Variants in FAM171A1 observed in about 807,000 individuals in gnomAD.
The protein encoded by FAM171A1 is family with sequence similarity 171 member A1.
In FAM171A1, 23 loss-of-function variants were observed where a neutral mutation model predicts 74.9. That is an observed-to-expected ratio of 0.31 (90% confidence interval 0.22 to 0.44). The LOEUF is 0.44. Ranked by LOEUF, FAM171A1 falls within the 20% of genes least tolerant of loss-of-function variation. The pLI, the probability that FAM171A1 is intolerant of heterozygous loss-of-function variation, is 1.00. For missense variants in FAM171A1, 1,162 were observed against 1,159.2 expected (o/e 1.00, Z -0.03); for synonymous variants, 527 against 505.7 (o/e 1.04, Z -0.57).
intron 1 of FAM171A1, among the ~76,000 whole-genome samples, chr10:15,329,729 C>T (rs891237678): frequency 5.3e-5 from 8 of 151,662 alleles, no homozygotes; most frequent in South Asian, 2.1e-4. Context: ...TAAGAAGCTA[C>T]GGGAAGTCAT....
intron 3 of FAM171A1, among the ~76,000 whole-genome samples, chr10:15,257,788 G>T (rs1043112497): frequency 6.6e-6 from 1 of 152,178 alleles, no homozygotes; most frequent in Non-Finnish European, 1.5e-5. Flanking sequence ...GAATTTAAGG[G>T]TGCAAGCTAT....
chr10:15,370,996 C>A lies in FAM171A1; in HGVS notation c.57G>T (p.Ala19=). Residue 19 remains alanine (A), a synonymous_variant, in exon 1 of 8, where the codon GCG becomes GCT. Transcript: ENST00000378116. ...LCLLGCHVWK[A]VTKTLREPGA... is the part of the protein sequence containing the mutation. ...CGGGCTCCCGCAGCGTCTTGGTCACCGCCTTCCAGACGTGGCAGCCCAGCA... is the reference window on the plus strand; with the variant it reads ...CGGGCTCCCGCAGCGTCTTGGTCACAGCCTTCCAGACGTGGCAGCCCAGCA... 1 of 1,193,992 alleles carries A rather than the reference C, an allele frequency of 8.4e-7. No homozygotes were observed. The highest frequency in any genetic ancestry group is 1.1e-6 in the Non-Finnish European group (1 of 939,868). 74.0% of individuals were successfully genotyped at this position (1,193,992 alleles called of 1,614,324 possible).
intron 1 of FAM171A1, among the ~76,000 whole-genome samples, chr10:15,319,470 T>C (rs193063948): frequency 6.6e-6 from 1 of 152,300 alleles, no homozygotes; most frequent in Admixed American, 6.5e-5. Flanking sequence ...TCTCACCCTA[T>C]TGTGCAGGCT....
At chr10:15,278,063 G>A (rs1246137083) in intron 2 of FAM171A1, among the ~76,000 whole-genome samples, 3 of 152,150 alleles carry the variant, frequency 2.0e-5, no homozygotes, top group Non-Finnish European at 2.9e-5. Flanking sequence ...GGTAAGCAGT[G>A]CTGGCTCTTA....
At chr10:15,271,430 G>T (rs572998637) in intron 3 of FAM171A1, among the ~76,000 whole-genome samples, 1 of 152,276 alleles carries the variant, frequency 6.6e-6, no homozygotes, top group African/African-American at 2.4e-5. Flanking sequence ...AAAGCGACGG[G>T]GAGAATGGAA....
chr10:15,234,884 G>C (rs1160424059), intron 5 of FAM171A1, among the ~76,000 whole-genome samples: 7 of 151,912 alleles, frequency 4.6e-5, no homozygotes, highest in Admixed American at 3.3e-4. Context: ...GGATGGTCTC[G>C]ATCTCCTGAC....
At chr10:15,281,993 C>T (rs1834976312) in intron 2 of FAM171A1, among the ~76,000 whole-genome samples, 1 of 152,214 alleles carries the variant, frequency 6.6e-6, no homozygotes, top group Admixed American at 6.5e-5. Context: ...TGTAAACCTC[C>T]CTACTTGCTA....
intron 4 of FAM171A1, among the ~76,000 whole-genome samples, chr10:15,253,066 C>T (rs796095943): frequency 3.4e-4 from 52 of 152,196 alleles, no homozygotes; most frequent in African/African-American, 1.1e-3. Context: ...TGCAGTGGCA[C>T]GATCTTGGCT....
chr10:15,224,117 G>A (rs375513064), intron 5 of FAM171A1, among the ~76,000 whole-genome samples: 21 of 152,274 alleles, frequency 1.4e-4, no homozygotes, highest in Middle Eastern at 3.4e-3. Flanking sequence ...ACACCCACCT[G>A]GGGTGGGTGT....
At chr10:15,365,856 G>A (rs1196922819) in intron 1 of FAM171A1, among the ~76,000 whole-genome samples, 1 of 152,060 alleles carries the variant, frequency 6.6e-6, no homozygotes, top group African/African-American at 2.4e-5. Context: ...CTAAAAGTAA[G>A]AGGAGCTGGC....
At chr10:15,237,607 C>T (rs956050719) in intron 5 of FAM171A1, 1 of 152,210 alleles carries the variant, frequency 6.6e-6, no homozygotes, top group Admixed American at 6.5e-5. Flanking sequence ...TGGCAACAGA[C>T]ACCAACTGGC....
At chr10:15,272,222 A>G (rs2131795375) in intron 3 of FAM171A1, among the ~76,000 whole-genome samples, 1 of 152,272 alleles carries the variant, frequency 6.6e-6, no homozygotes, top group East Asian at 1.9e-4. Flanking sequence ...CAAACAAACA[A>G]AAAAAGCAGG....
At chr10:15,284,678 G>C (rs1403166703) in intron 1 of FAM171A1, among the ~76,000 whole-genome samples, 1 of 152,178 alleles carries the variant, frequency 6.6e-6, no homozygotes, top group Non-Finnish European at 1.5e-5. Context: ...GGCTCCCAGA[G>C]TGCTGAGGTT....
intron 1 of FAM171A1, among the ~76,000 whole-genome samples, chr10:15,358,155 G>A (rs1455902145): frequency 6.6e-6 from 1 of 151,950 alleles, no homozygotes; most frequent in Non-Finnish European, 1.5e-5. Context: ...TTTAAATTTT[G>A]TGTAGAGACG....
In FAM171A1 at chr10:15,212,846, G is replaced by T; in HGVS notation, c.*69C>A. 5 of 1,581,162 alleles carry T rather than the reference G, an allele frequency of 3.2e-6. No individual in the cohort carries two copies. The South Asian group carries it at 4.7e-5, about 15-fold the overall frequency. On this transcript the variant is annotated 3_prime_UTR_variant, in exon 8 of 8. Coordinates refer to ENST00000378116, the MANE Select transcript of FAM171A1 (RefSeq NM_001010924.2). ...TGCCGTTCCGTTTCCTCCACGAACG[G>T]GTACGCGCTTCCATGAGAAAGGATA...
chr10:15,294,244 G>A (rs1835135236), intron 1 of FAM171A1, among the ~76,000 whole-genome samples: 1 of 152,156 alleles, frequency 6.6e-6, no homozygotes, highest in Admixed American at 6.5e-5. Flanking sequence ...CGGGTTCTGT[G>A]CTATCCTGGC....
chr10:15,288,080 G>A (rs1194969036), intron 1 of FAM171A1, among the ~76,000 whole-genome samples: 4 of 152,168 alleles, frequency 2.6e-5, no homozygotes, highest in Non-Finnish European at 5.9e-5. Context: ...CCAGGTTGCT[G>A]CAAATGTAAT....
chr10:15,288,830 T>TTTCTTTTTTTTC (rs1554836629), intron 1 of FAM171A1, among the ~76,000 whole-genome samples: 1 of 132,516 alleles, frequency 7.5e-6, no homozygotes, highest in Non-Finnish European at 1.6e-5. Context: ...TTTTTTTTTT[T>TTTCTTTTTTTTC]TTTTTTTTTG....
intron 5 of FAM171A1, among the ~76,000 whole-genome samples, chr10:15,223,307 C>A (rs371130762): frequency 2.6e-5 from 4 of 152,246 alleles, no homozygotes; most frequent in African/African-American, 7.2e-5. Flanking sequence ...ATGACTTACA[C>A]GTCGTATCCC....
Sources: allele counts gnomAD v4.1 joint callset (sites outside exome capture counted in the v4.1 genomes callset), GRCh38; gene constraint gnomAD v4.1.1; transcripts MANE v1.5; gene names NCBI Gene and HGNC (gene_info 2026-07-23, HGNC 2026-07-21).